Variants in CFAP70 observed in about 807,000 individuals in gnomAD.
CFAP70 encodes cilia and flagella associated protein 70.
CFAP70 carries 81 observed loss-of-function variants against 137.6 expected under a neutral mutation model. The ratio of observed to expected loss-of-function variants is 0.59; its 90% confidence interval spans 0.49 to 0.71. The LOEUF (loss-of-function observed/expected upper bound fraction) is 0.71. Ranked by LOEUF, CFAP70 falls within the 30% of genes least tolerant of loss-of-function variation. The probability of loss-of-function intolerance (pLI) is 0.00; values close to 1 mark genes in which losing one functional copy is unlikely to be tolerated. For synonymous variants in CFAP70, 382 were observed against 423.6 expected, an observed-to-expected ratio of 0.90 and a Z score of 1.20; for missense variants, 976 against 1,226.7, an observed-to-expected ratio of 0.80 and a Z score of 3.05.
At chr10:73,346,087 C>T (rs887460008) in intron 4 of CFAP70, among the ~76,000 whole-genome samples, 8 of 151,062 alleles carry the variant, frequency 5.3e-5, no homozygotes, top group African/African-American at 1.7e-4. Flanking sequence ...TTAGTAGAGA[C>T]GGGGTTTCAA....
intron 3 of CFAP70, among the ~76,000 whole-genome samples, chr10:73,349,542 CAA>C (rs537930658): frequency 2.0e-4 from 22 of 111,794 alleles, no homozygotes; most frequent in Non-Finnish European, 2.3e-4. Context: ...GACTCCGTCT[CAA>C]AAAAAAAAAA....
intron 8 of CFAP70, among the ~76,000 whole-genome samples, chr10:73,324,987 G>A (rs1397303910): frequency 6.6e-6 from 1 of 152,118 alleles, no homozygotes; most frequent in Non-Finnish European, 1.5e-5. Context: ...TACAGAGAAT[G>A]CCACAAAGAT....
intron 25 of CFAP70, among the ~76,000 whole-genome samples, chr10:73,261,798 T>C (rs7910893): frequency 0.1 from 15,939 of 151,942 alleles, 1,196 homozygotes; most frequent in East Asian, 0.29. Flanking sequence ...TGAGCCACCA[T>C]GCCTGGCCTA....
rs141007933 is a variant in CFAP70, at chr10:73,289,284, T to A, written c.2239+1942A>T. Among the ~76,000 whole-genome samples the A allele has an allele frequency of 6.9e-3, 1,037 of 150,772 alleles. 3 individuals carry two copies. Among genetic ancestry groups the A allele is most frequent in the Middle Eastern group, 0.014 (4 of 294 alleles). ...TAAATCAATAATTAATTAATTTATTTATTATTATTATTTTTTTTTGAGATG... is the reference window on the plus strand; with the variant it reads ...TAAATCAATAATTAATTAATTTATTAATTATTATTATTTTTTTTTGAGATG... On this transcript the variant is annotated intron_variant, in intron 19 of 26. Transcript: ENST00000310715.
intron 2 of CFAP70, 111 bp downstream of exon 2, chr10:73,354,623 A>T (rs2054529993): frequency 1.2e-6 from 1 of 801,042 alleles, no homozygotes; most frequent in African/African-American, 1.7e-5. Context: ...GCGGAATGCC[A>T]CTGCTACATA....
upstream of CFAP70, among the ~76,000 whole-genome samples, chr10:73,362,302 T>G (rs907423991): frequency 6.6e-6 from 1 of 152,082 alleles, no homozygotes; most frequent in African/African-American, 2.4e-5. Flanking sequence ...AACTATAAAT[T>G]TGAGGGTTTT....
chr10:73,274,667 C>A, intron 22 of CFAP70, 73 bp from the exon 24 acceptor site: 1 of 1,338,816 alleles, frequency 7.5e-7, no homozygotes, highest in Non-Finnish European at 1.0e-6. Context: ...CTTTGTTTAA[C>A]ATTTAAATTT....
chr10:73,348,141 T>C lies in CFAP70; in HGVS notation c.349+282A>G, dbSNP rs757255826. Reference sequence around the variant, plus strand: ...AATGGCAGGCTGAAATGTTGAGAGCTAAAACTCTGATTACCTTAGCACTTG... The same window carrying C: ...AATGGCAGGCTGAAATGTTGAGAGCCAAAACTCTGATTACCTTAGCACTTG... On this transcript the variant is annotated intron_variant, in intron 4 of 26. Coordinates refer to ENST00000310715, the Ensembl canonical transcript of CFAP70. 1 of 1,612,274 alleles carries C rather than the reference T, an allele frequency of 6.2e-7. No homozygotes were observed. Among genetic ancestry groups the C allele is most frequent in the South Asian group, 1.1e-5 (1 of 91,026 alleles).
At chr10:73,301,534 C>T (rs575197015) in intron 12 of CFAP70, among the ~76,000 whole-genome samples, 7 of 152,170 alleles carry the variant, frequency 4.6e-5, no homozygotes, top group African/African-American at 1.7e-4. Context: ...TGTATGATTC[C>T]AGAGTTGGCA....
chr10:73,314,859 C>T (rs1374626624), intron 9 of CFAP70, among the ~76,000 whole-genome samples: 3 of 151,922 alleles, frequency 2.0e-5, no homozygotes, highest in Admixed American at 2.0e-4. Flanking sequence ...CCCACCTCGG[C>T]CTCCCAAAGT....
intron 7 of CFAP70, among the ~76,000 whole-genome samples, chr10:73,334,106 G>C (rs1295688920): frequency 1.3e-5 from 2 of 152,146 alleles, no homozygotes; most frequent in Admixed American, 6.5e-5. Flanking sequence ...AGTCAGAGTT[G>C]TTCATTCATA....
At chr10:73,343,739 T>C (rs914906416) in intron 5 of CFAP70, among the ~76,000 whole-genome samples, 77 of 152,024 alleles carry the variant, frequency 5.1e-4, no homozygotes, top group African/African-American at 1.7e-3. Flanking sequence ...AAAAGAATTC[T>C]AGGACCTGGT....
intron 12 of CFAP70, among the ~76,000 whole-genome samples, chr10:73,301,327 G>C (rs900753294): frequency 1.3e-5 from 2 of 152,182 alleles, no homozygotes; most frequent in Non-Finnish European, 2.9e-5. Context: ...ATGATAGTGA[G>C]TAAGTGCTTG....
intron 19 of CFAP70, among the ~76,000 whole-genome samples, chr10:73,289,325 G>A (rs1292099200): frequency 6.6e-6 from 1 of 151,592 alleles, no homozygotes; most frequent in East Asian, 1.9e-4. Flanking sequence ...TCACTCTGTT[G>A]CCCAGGCTGG....
intron 16 of CFAP70, among the ~76,000 whole-genome samples, chr10:73,292,988 A>G (rs780227897): frequency 3.3e-5 from 5 of 152,154 alleles, no homozygotes; most frequent in Non-Finnish European, 7.4e-5. Flanking sequence ...TTCCATTTGG[A>G]GTTGAGTTTT....
intron 26 of CFAP70, among the ~76,000 whole-genome samples, chr10:73,254,562 G>A (rs75040306): frequency 0.11 from 16,013 of 152,150 alleles, 1,199 homozygotes; most frequent in East Asian, 0.3. Context: ...CAGTAATGCA[G>A]TCAGCTAAAA....
At chr10:73,352,758 C>A (rs184749837) in intron 3 of CFAP70, among the ~76,000 whole-genome samples, 6 of 152,096 alleles carry the variant, frequency 3.9e-5, no homozygotes, top group Non-Finnish European at 5.9e-5. Context: ...CTAATTAATG[C>A]GCTTAAGATT....
chr10:73,331,301 A>G (rs374976770), intron 7 of CFAP70, 25 bp from the exon 9 acceptor site: 62 of 1,579,488 alleles, frequency 3.9e-5, no homozygotes, highest in Non-Finnish European at 5.3e-5. Flanking sequence ...TCAGTCCATT[A>G]GCATTATATG....
intron 25 of CFAP70, among the ~76,000 whole-genome samples, chr10:73,261,682 A>G (rs1173966044): frequency 2.0e-5 from 3 of 152,034 alleles, no homozygotes; most frequent in Non-Finnish European, 1.5e-5. Flanking sequence ...GGACACAGCC[A>G]AAATATATCA....
Sources: gnomAD v4.1 joint callset for allele counts (sites outside exome capture counted in the v4.1 genomes callset) on GRCh38, gnomAD v4.1.1 for gene constraint, MANE v1.5 for transcripts, NCBI Gene and HGNC (gene_info 2026-07-23, HGNC 2026-07-21) for gene names.